UBR4: variants seen among roughly 807,000 people sequenced by gnomAD.
UBR4 encodes ubiquitin protein ligase E3 component n-recognin 4, also known as E3 ubiquitin-protein ligase UBR4.
In UBR4, 124 loss-of-function variants were observed where a neutral mutation model predicts 575.6. That is an observed-to-expected ratio of 0.22 (90% CI 0.19 to 0.25). The LOEUF (loss-of-function observed/expected upper bound fraction) is 0.25. UBR4 is among the 10% of genes least tolerant of loss of function. The pLI is 1.00. For synonymous variants in UBR4, 2,455 were observed against 2,473.7 expected (o/e 0.99, Z 0.22); for missense variants, 4,818 against 6,478.8 (o/e 0.74, Z 8.80).
chr1:19,165,500 C>T (rs1468789284), intron 30 of UBR4, 151 bp from the exon 31 acceptor site: 2 of 1,059,446 alleles, frequency 1.9e-6, no homozygotes, highest in Admixed American at 2.4e-5. Context: ...CCCTCACCAA[C>T]AACCCCAAGG....
Position 19,166,714 on chromosome 1 carries a change from C to CAAAAAAAA in UBR4, c.4109+300_4109+307dup, listed in dbSNP as rs535369262. ...ACAACATGGCAAACTCCATCTCTACCAAAAAAAAAAAAAAAAAAAAAAAAA... is the reference window on the plus strand; with the variant it reads ...ACAACATGGCAAACTCCATCTCTACCAAAAAAAAAAAAAAAAAAAAAAAAAAAAAAAAA... On this transcript the variant is annotated intron_variant, in intron 29 of 105. Transcript: ENST00000375254. Among the ~76,000 whole-genome samples the CAAAAAAAA allele has an allele frequency of 3.0e-4, 22 of 73,754 alleles. 2 individuals are homozygous for CAAAAAAAA. The highest frequency in any genetic ancestry group is 1.1e-3 in the African/African-American group (17 of 15,128). 48.4% of individuals were successfully genotyped at this position (73,754 alleles called of 152,430 possible). A position where few individuals can be genotyped will look rare whatever the true frequency, so the allele number is the denominator to read the frequency against.
In UBR4 at chr1:19,091,104, A is replaced by T. The variant is rs1196277876; in HGVS notation, c.14211+1715T>A. On this transcript the variant is annotated intron_variant, in intron 97 of 105. Transcript: ENST00000375254. The stretch of plus-strand genomic sequence containing the variant: ...AGAGCAAAACTTCATCTCAAAAAAA[A>T]AAAAAAGAATAAGCCTGGAAATCAG... Among the ~76,000 whole-genome samples, 11 of 152,274 alleles carry T rather than the reference A, an allele frequency of 7.2e-5. No homozygotes were observed. The South Asian group carries it at 2.1e-3, about 29-fold the overall frequency.
At chr1:19,140,723 A>G (rs2083796439) in intron 58 of UBR4, 65 bp downstream of exon 58, 1 of 1,486,826 alleles carries the variant, frequency 6.7e-7, no homozygotes, top group Non-Finnish European at 9.2e-7. Context: ...ACACTCTCAC[A>G]GCAGTGGAAA....
In UBR4 at chr1:19,106,610, G is replaced by C; in HGVS notation, c.12352C>G (p.Pro4118Ala). The change falls in exon 83 of 106, where the codon CCC becomes GCC. Residue 4118 changes from proline to alanine, a missense_variant. Physicochemically the swap from Pro to Ala is conservative, Grantham distance 27. Coordinates refer to ENST00000375254, the MANE Select transcript of UBR4 (RefSeq NM_020765.3). The stretch of plus-strand genomic sequence containing the variant: ...TTATGCCCCAGTTTGAGATCCAAGG[G>C]GGAGGTCCTCTTCCCCCGACGACTC... ...FLSRRGKRTS[P>A]LDLKLGHNNW... is the part of the protein sequence containing the mutation. 2 of 1,597,120 alleles carry C rather than the reference G, an allele frequency of 1.3e-6. No individual in the cohort carries two copies. The highest frequency in any genetic ancestry group is 1.7e-6 in the Non-Finnish European group (2 of 1,172,168).
At position 19,083,566 on chromosome 1, in the gene UBR4, G is replaced by C. The variant is rs550034898; in HGVS notation, c.15008+938C>G. The stretch of plus-strand genomic sequence containing the variant: ...TTTTTTTTCTTTGAGACATGGTCTT[G>C]CTCTGTCACACAGGCTGGAGTGCAG... On this transcript the variant is annotated intron_variant, in intron 102 of 105. Coordinates refer to ENST00000375254, the MANE Select transcript of UBR4 (RefSeq NM_020765.3). Among the ~76,000 whole-genome samples, 7 of 152,278 alleles carry C rather than the reference G, an allele frequency of 4.6e-5. No homozygotes were observed. The East Asian group carries it at 1.4e-3, about 29-fold the overall frequency.
intron 61 of UBR4, among the ~76,000 whole-genome samples, chr1:19,128,575 T>C (rs1028051294): frequency 5.3e-5 from 8 of 152,204 alleles, no homozygotes; most frequent in African/African-American, 1.9e-4. Context: ...GACTAACCTA[T>C]ATTATATCCA....
chr1:19,138,078 C>T lies in UBR4; in HGVS notation c.8835G>A (p.Gly2945=). 6.3e-7 allele frequency: 1 copy of T among 1,599,768 alleles called. No individual in the cohort carries two copies. ...CCTCGGAGCCATCTCCCTCCTGGTG[C>T]CCAGTGGTGGTGCTGATGGCTCCAG... ...SSTGAISTTT[G]HQEGDGSEGE... The change falls in exon 60 of 106, where the codon GGG becomes GGA. Residue 2945 remains glycine (G), a synonymous_variant. Transcript: ENST00000375254.
At position 19,112,832 on chromosome 1, in the gene UBR4, A is replaced by G. The variant is rs2080047750; in HGVS notation, c.11493T>C (p.Tyr3831=). 1 of 1,607,554 alleles carries G rather than the reference A, an allele frequency of 6.2e-7. No homozygotes were observed. The highest frequency in any genetic ancestry group is 1.7e-5 in the Admixed American group (1 of 59,394). ...TGGCTGCTTCCCTCTGCTGTAGGTCATATTCCAACAACTCTTTGCGCGAAG... is the reference window on the plus strand; with the variant it reads ...TGGCTGCTTCCCTCTGCTGTAGGTCGTATTCCAACAACTCTTTGCGCGAAG... ...VFASRKELLE[Y]DLQQREAATK... is the part of the protein sequence containing the mutation. Residue 3831 remains tyrosine, a synonymous_variant, in exon 78 of 106, where the codon TAT becomes TAC. Coordinates refer to ENST00000375254, the MANE Select transcript of UBR4 (RefSeq NM_020765.3).
intron 24 of UBR4, 38 bp from the exon 25 acceptor site, chr1:19,173,131 G>A (rs756017336): frequency 3.7e-6 from 6 of 1,613,422 alleles, no homozygotes; most frequent in South Asian, 3.3e-5. Flanking sequence ...CTGTGGCAAT[G>A]GGCTATGGTA....
intron 61 of UBR4, among the ~76,000 whole-genome samples, chr1:19,128,543 TAA>T (rs1037926142): frequency 1.3e-5 from 2 of 152,236 alleles, no homozygotes; most frequent in African/African-American, 4.8e-5. Flanking sequence ...AAATGTTTTG[TAA>T]AAAGTTTGTA....
At chr1:19,149,854 C>G (rs376518906) in intron 49 of UBR4, 1 of 1,263,530 alleles carries the variant, frequency 7.9e-7, no homozygotes, top group Non-Finnish European at 1.0e-6. Flanking sequence ...CAGAGAAACC[C>G]GGAAACACAT....
chr1:19,165,962 T>C (rs1025197504), intron 29 of UBR4, among the ~76,000 whole-genome samples: 6 of 152,222 alleles, frequency 3.9e-5, no homozygotes, highest in Non-Finnish European at 1.5e-5. Flanking sequence ...CTCAACTTTA[T>C]TTTTCTATCC....
chr1:19,164,518 T>C, intron 32 of UBR4, 77 bp from the exon 33 acceptor site: 1 of 1,441,270 alleles, frequency 6.9e-7, no homozygotes, highest in Non-Finnish European at 9.4e-7. Context: ...AAGTTTTAAA[T>C]TAAACATTAA....
intron 70 of UBR4, among the ~76,000 whole-genome samples, chr1:19,119,222 T>C (rs1000005995): frequency 2.0e-5 from 3 of 152,214 alleles, no homozygotes; most frequent in African/African-American, 7.2e-5. Flanking sequence ...AGCCATAAAA[T>C]GGTTAGCTAA....
In UBR4 at chr1:19,153,446, T is replaced by C. The variant is rs748765872; in HGVS notation, c.6687A>G (p.Thr2229=). The C allele has an allele frequency of 1.2e-6, 2 of 1,614,000 alleles. No homozygotes were observed. Among genetic ancestry groups the C allele is most frequent in the East Asian group, 2.2e-5 (1 of 44,886 alleles). Residue 2229 remains threonine, a synonymous_variant, in exon 46 of 106, where the codon ACA becomes ACG. Coordinates refer to ENST00000375254, the MANE Select transcript of UBR4 (RefSeq NM_020765.3). This position sits in a 1 kb window ranked among gnomAD's most constrained non-coding sequence, Gnocchi z 4.1. ...TGCCATCCTCACACAGCAGAATCAT[T>C]GTTGTCCGCTGCTGCTCATTGCAGG... The part of the protein sequence containing the change: ...HTACNEQQRT[T]MILLCEDGSL...
rs1419336382 is a variant in UBR4, at chr1:19,144,846, G to C, written c.8007C>G (p.Thr2669=). Reference sequence around the variant, plus strand: ...CTGTGTTAATACAATCCAGCTCACAGGTACAGTAGCCATGGATGATGTCCA... The same window carrying C: ...CTGTGTTAATACAATCCAGCTCACACGTACAGTAGCCATGGATGATGTCCA... ...ALVDIIHGYC[T]CELDCINTAS... is the part of the protein sequence containing the mutation. The change falls in exon 54 of 106, where the codon ACC becomes ACG. Residue 2669 remains threonine, a synonymous_variant. Coordinates refer to ENST00000375254, the MANE Select transcript of UBR4 (RefSeq NM_020765.3). 6.2e-7 allele frequency: 1 copy of C among 1,614,022 alleles called. No homozygotes were observed. The highest frequency in any genetic ancestry group is 8.5e-7 in the Non-Finnish European group (1 of 1,180,020).
rs769284484 is a variant in UBR4, at chr1:19,105,852, AG to A, written c.12394-11del. 3.2e-6 allele frequency: 5 copies of A among 1,563,100 alleles called. No individual in the cohort carries two copies. Among genetic ancestry groups the A allele is most frequent in the Middle Eastern group, 1.7e-4 (1 of 5,856 alleles). ...CTGGAGTGAAAAGCACCTGCAGGACAGGGGAGAGAAGGGGTCGTAGACTCAG... is the reference window on the plus strand; with the variant it reads ...CTGGAGTGAAAAGCACCTGCAGGACAGGGAGAGAAGGGGTCGTAGACTCAG... On this transcript the variant is annotated splice_polypyrimidine_tract_variant and intron_variant, in intron 83 of 105. Transcript: ENST00000375254.
chr1:19,190,735 T>C (rs367844230), intron 11 of UBR4, among the ~76,000 whole-genome samples: 1 of 152,112 alleles, frequency 6.6e-6, no homozygotes, highest in East Asian at 1.9e-4. Flanking sequence ...CCAAATATAT[T>C]TCAATTCGGC....
Position 19,124,762 on chromosome 1 carries a change from G to T in UBR4, c.9439-72C>A. ...ATGACCACAATTAGGAAAAAGCCTGGCTCATTAGACGTATTACATGTTGGA... is the reference window on the plus strand; with the variant it reads ...ATGACCACAATTAGGAAAAAGCCTGTCTCATTAGACGTATTACATGTTGGA... On this transcript the variant is annotated intron_variant, in intron 64 of 105. Transcript: ENST00000375254. The T allele has an allele frequency of 3.2e-6, 5 of 1,566,620 alleles. No homozygotes were observed. In the South Asian group the frequency reaches 6.0e-5, roughly 19 times the overall value.
Sources: allele counts gnomAD v4.1 joint callset (sites outside exome capture counted in the v4.1 genomes callset), GRCh38; gene constraint gnomAD v4.1.1; non-coding constraint Gnocchi (gnomAD v3.1); transcripts MANE v1.5; gene names NCBI Gene and HGNC (gene_info 2026-07-23, HGNC 2026-07-21).